The following DCLRE1C variants were observed in gnomAD, a reference collection of about 807,000 sequenced individuals.
The protein encoded by DCLRE1C is protein artemis.
A neutral mutation model predicts 61.4 loss-of-function variants in DCLRE1C; 47 were observed. The ratio of observed to expected loss-of-function variants is 0.77; its 90% CI spans 0.61 to 0.98. The LOEUF (loss-of-function observed/expected upper bound fraction) is 0.98. DCLRE1C is among the 50% of genes least tolerant of loss of function. The pLI is 0.00. For synonymous variants in DCLRE1C, 337 were observed against 287.6 expected (o/e 1.17, Z -1.74); for missense variants, 858 against 816.0 (o/e 1.05, Z -0.63).
At chr10:14,911,701 T>C (rs1316962407) in intron 13 of DCLRE1C, among the ~76,000 whole-genome samples, 1 of 152,196 alleles carries the variant, frequency 6.6e-6, no homozygotes, top group East Asian at 1.9e-4. Flanking sequence ...TATTTCCTAA[T>C]CATGTCAGAT....
intron 13 of DCLRE1C, among the ~76,000 whole-genome samples, chr10:14,916,991 G>C (rs1215137953): frequency 1.3e-5 from 2 of 152,184 alleles, no homozygotes; most frequent in East Asian, 3.8e-4. Flanking sequence ...AGAACTTAAA[G>C]CACCTGACTT....
At chr10:14,916,368 A>C (rs1358367321) in intron 13 of DCLRE1C, among the ~76,000 whole-genome samples, 1 of 152,194 alleles carries the variant, frequency 6.6e-6, no homozygotes, top group Non-Finnish European at 1.5e-5. Flanking sequence ...TAGAACTGAT[A>C]CTTGAGATTA....
intron 1 of DCLRE1C, among the ~76,000 whole-genome samples, chr10:14,950,103 G>A (rs911238448): frequency 6.6e-6 from 1 of 152,064 alleles, no homozygotes; most frequent in African/African-American, 2.4e-5. Flanking sequence ...CACTTTGGGA[G>A]GCCGAGGCAG....
At chr10:14,944,367 T>C (rs1271447872) in intron 3 of DCLRE1C, among the ~76,000 whole-genome samples, 1 of 151,950 alleles carries the variant, frequency 6.6e-6, no homozygotes, top group Non-Finnish European at 1.5e-5. Flanking sequence ...GGTATGGTGG[T>C]GGGATTCTGT....
rs758968863 is a variant in DCLRE1C, at chr10:14,945,204, G to GA, written c.162-16dup. 1.9e-6 allele frequency: 3 copies of GA among 1,606,694 alleles called. No homozygotes were observed. The highest frequency in any genetic ancestry group is 1.1e-5 in the South Asian group (1 of 90,052). On this transcript the variant is annotated splice_polypyrimidine_tract_variant and intron_variant, in intron 2 of 13. Coordinates refer to ENST00000378278, the MANE Select transcript of DCLRE1C (RefSeq NM_001033855.3). ...AAACCTTCAAGCTGAAAGGAAAAAA[G>GA]AAAAAAACTTTCAGTACAATCCAAA...
At chr10:14,950,860 C>G (rs1842361810) in intron 1 of DCLRE1C, among the ~76,000 whole-genome samples, 1 of 152,180 alleles carries the variant, frequency 6.6e-6, no homozygotes, top group Non-Finnish European at 1.5e-5. Context: ...GTCTGCTTTT[C>G]CAGGGAGGTT....
chr10:14,912,503 A>T (rs1835425910), intron 13 of DCLRE1C, among the ~76,000 whole-genome samples: 1 of 152,242 alleles, frequency 6.6e-6, no homozygotes, highest in Admixed American at 6.5e-5. Flanking sequence ...ATTATTATTT[A>T]AAAAGGAGAA....
chr10:14,948,393 G>A (rs866352916), intron 2 of DCLRE1C, among the ~76,000 whole-genome samples: 1 of 152,114 alleles, frequency 6.6e-6, no homozygotes, highest in Non-Finnish European at 1.5e-5. Context: ...GTAGGCAATG[G>A]CTGCAAGAGA....
intron 2 of DCLRE1C, among the ~76,000 whole-genome samples, chr10:14,945,855 A>G (rs1345098620): frequency 6.7e-6 from 1 of 150,192 alleles, no homozygotes; most frequent in African/African-American, 2.4e-5. Flanking sequence ...ATGGAGTTTG[A>G]CCACGTTGGC....
downstream of DCLRE1C, chr10:14,902,600 C>A: frequency 1.3e-6 from 1 of 784,568 alleles, no homozygotes; most frequent in Non-Finnish European, 1.9e-6. Context: ...CTCTTATTAT[C>A]AAGGTTCTAC....
intron 11 of DCLRE1C, among the ~76,000 whole-genome samples, chr10:14,926,284 C>T (rs1041357379): frequency 1.3e-5 from 2 of 152,124 alleles, no homozygotes; most frequent in East Asian, 1.9e-4. Flanking sequence ...CACAAGTCCA[C>T]AAAGGATCAC....
chr10:14,921,202 C>A (rs1222541351), intron 12 of DCLRE1C, among the ~76,000 whole-genome samples: 2 of 151,558 alleles, frequency 1.3e-5, no homozygotes, highest in East Asian at 3.9e-4. Context: ...CGCCTGTAGT[C>A]CCAGCTACTC....
rs548738873 is a variant in DCLRE1C at position 14,953,789 on chromosome 10, C to A, written c.109+113G>T. ...ACTGGGACAAGGCGTGTGCTGGCCG[C>A]CCCCTCGCTGGCTTCCCACAGGCTG... On this transcript the variant is annotated intron_variant, in intron 1 of 13. Coordinates refer to ENST00000378278, the MANE Select transcript of DCLRE1C (RefSeq NM_001033855.3). 14 of 1,481,800 alleles carry A rather than the reference C, an allele frequency of 9.4e-6. No individual in the cohort carries two copies. In the African/African-American group the frequency reaches 1.8e-4, roughly 19 times the overall value. 91.8% of individuals were successfully genotyped at this position (1,481,800 alleles called of 1,614,324 possible). A position where few individuals can be genotyped will look rare whatever the true frequency, so the allele number is the denominator to read the frequency against.
chr10:14,912,580 T>C (rs990445891), intron 13 of DCLRE1C, among the ~76,000 whole-genome samples: 1 of 152,234 alleles, frequency 6.6e-6, no homozygotes, highest in African/African-American at 2.4e-5. Context: ...CAATTGAATA[T>C]TGGTTGGCAA....
intron 13 of DCLRE1C, among the ~76,000 whole-genome samples, chr10:14,917,772 G>C (rs113331538): frequency 2.1e-3 from 317 of 152,270 alleles, no homozygotes; most frequent in African/African-American, 7.1e-3. Context: ...AGCTGTGATT[G>C]TGCCACTGTA....
In DCLRE1C at chr10:14,908,723, G is replaced by A. The variant is rs1588891334; in HGVS notation, c.1764C>T (p.Ala588=). 11 of 1,614,194 alleles carry A rather than the reference G, an allele frequency of 6.8e-6. No individual in the cohort carries two copies. Among genetic ancestry groups the A allele is most frequent in the South Asian group, 2.2e-5 (2 of 91,078 alleles). ...YRPTIKENIP[A]SLMEQNVICP... ...AAATTACATTTTGTTCCATGAGAGA[G>A]GCAGGAATATTCTCTTTGATTGTTG... Residue 588 remains alanine (A), a synonymous_variant, in exon 14 of 14, where the codon GCC becomes GCT. Coordinates refer to ENST00000378278, the MANE Select transcript of DCLRE1C (RefSeq NM_001033855.3).
At chr10:14,909,920 C>T (rs1207956932) in intron 13 of DCLRE1C, among the ~76,000 whole-genome samples, 9 of 152,204 alleles carry the variant, frequency 5.9e-5, no homozygotes, top group Non-Finnish European at 8.8e-5. Context: ...AAATTCAAAA[C>T]ATTAATAAGC....
At chr10:14,946,528 T>C (rs1294569687) in intron 2 of DCLRE1C, among the ~76,000 whole-genome samples, 4 of 152,120 alleles carry the variant, frequency 2.6e-5, no homozygotes, top group Non-Finnish European at 5.9e-5. Flanking sequence ...TAGAATGCGG[T>C]GGAAGTAATT....
rs1356741132 is a variant in DCLRE1C at position 14,935,534 on chromosome 10, G to A, written c.393C>T (p.Val131=). The change falls in exon 6 of 14, where the codon GTC becomes GTT. Residue 131 remains valine, a synonymous_variant. Coordinates refer to ENST00000378278, the MANE Select transcript of DCLRE1C (RefSeq NM_001033855.3). ...CCAATCTGAAGTCTCCTGTGTACAG[G>A]ACAGTTCCATTATTGCCCTGAAATA... ...MFLFQGNNGT[V]LYTGDFRLAQ... The A allele has an allele frequency of 1.2e-6, 2 of 1,614,078 alleles. No individual in the cohort carries two copies. The highest frequency in any genetic ancestry group is 2.2e-5 in the South Asian group (2 of 91,068).
Sources: allele counts gnomAD v4.1 joint callset (sites outside exome capture counted in the v4.1 genomes callset), GRCh38; gene constraint gnomAD v4.1.1; transcripts MANE v1.5; gene names NCBI Gene and HGNC (gene_info 2026-07-23, HGNC 2026-07-21).